The following LMX1A variants were observed in gnomAD, a reference collection of about 807,000 sequenced individuals.
LMX1A encodes LIM homeobox transcription factor 1 alpha, also known as LIM homeobox transcription factor 1-alpha.
In LMX1A, 15 loss-of-function variants were observed where a neutral mutation model predicts 49.1. That is an observed-to-expected ratio of 0.31 (90% confidence interval 0.20 to 0.47). The LOEUF is 0.47. Among genes scored for constraint, LMX1A ranks in the 20% least tolerant of loss-of-function variants. The pLI, the probability that LMX1A is intolerant of heterozygous loss-of-function variation, is 1.00. For synonymous variants in LMX1A, 167 were observed against 185.7 expected, an observed-to-expected ratio of 0.90 and a Z score of 0.82; for missense variants, 372 against 475.8, an observed-to-expected ratio of 0.78 and a Z score of 2.03.
intron 3 of LMX1A, among the ~76,000 whole-genome samples, chr1:165,352,715 C>A (rs1571239353): frequency 6.6e-6 from 1 of 152,344 alleles, no homozygotes; most frequent in East Asian, 1.9e-4. Flanking sequence ...CCGCAGGGCA[C>A]CCCGGTAAAA....
At position 165,261,471 on chromosome 1, in the gene LMX1A, G is replaced by A. The variant is rs575922643; in HGVS notation, c.264-11831C>T. On this transcript the variant is annotated intron_variant, in intron 3 of 8. Transcript: ENST00000342310. ...AAAATGGTGCAATGCTGTGGAATGC[G>A]GTACGGAGTTTCCTCAAAAAAATTA... Among the ~76,000 whole-genome samples, 300 of 152,180 alleles carry A rather than the reference G, an allele frequency of 2.0e-3. 4 individuals carry two copies. Among genetic ancestry groups the A allele is most frequent in the Non-Finnish European group, 3.6e-3 (243 of 68,006 alleles).
intron 4 of LMX1A, among the ~76,000 whole-genome samples, chr1:165,223,454 A>C (rs1442735599): frequency 6.6e-6 from 1 of 152,214 alleles, no homozygotes; most frequent in Admixed American, 6.5e-5. Context: ...AATGGACAAG[A>C]TCAAGAGAGC....
intron 4 of LMX1A, among the ~76,000 whole-genome samples, chr1:165,235,153 C>G (rs1652380624): frequency 1.5e-5 from 2 of 135,608 alleles, no homozygotes. Flanking sequence ...ACAGTTAGAG[C>G]GTATAGGGGG....
At chr1:165,326,538 G>A (rs550079148) in intron 3 of LMX1A, among the ~76,000 whole-genome samples, 23 of 152,264 alleles carry the variant, frequency 1.5e-4, no homozygotes, top group African/African-American at 5.3e-4. Flanking sequence ...ATTCATCTAG[G>A]CCAACTTCTC....
chr1:165,324,823 C>A (rs1437441964), intron 3 of LMX1A, among the ~76,000 whole-genome samples: 2 of 152,124 alleles, frequency 1.3e-5, no homozygotes, highest in Admixed American at 1.3e-4. Flanking sequence ...CCCAGGTTTT[C>A]TGACTCCAAA....
At chr1:165,216,968 C>G (rs1176774300) in intron 4 of LMX1A, among the ~76,000 whole-genome samples, 1 of 152,030 alleles carries the variant, frequency 6.6e-6, no homozygotes, top group African/African-American at 2.4e-5. Context: ...TTTAGCACCA[C>G]CCAGAAATAA....
chr1:165,348,648 C>T (rs1656324282), intron 3 of LMX1A, among the ~76,000 whole-genome samples: 2 of 152,220 alleles, frequency 1.3e-5, no homozygotes, highest in South Asian at 2.1e-4. Flanking sequence ...CATCTGTGGG[C>T]TCCTTTCATG....
At chr1:165,256,670 G>A (rs181680897) in intron 3 of LMX1A, among the ~76,000 whole-genome samples, 10 of 152,178 alleles carry the variant, frequency 6.6e-5, no homozygotes, top group Admixed American at 3.9e-4. Flanking sequence ...CCTAAGGCAG[G>A]TTGGAAACCC....
At chr1:165,285,415 C>G (rs1020409203) in intron 3 of LMX1A, among the ~76,000 whole-genome samples, 1 of 152,218 alleles carries the variant, frequency 6.6e-6, no homozygotes, top group African/African-American at 2.4e-5. Context: ...ATGATACCCA[C>G]AAAATCAGAG....
At chr1:165,216,952 A>G (rs1651662972) in intron 4 of LMX1A, among the ~76,000 whole-genome samples, 1 of 152,198 alleles carries the variant, frequency 6.6e-6, no homozygotes, top group South Asian at 2.1e-4. Flanking sequence ...TGATATATGT[A>G]AAGGGTTTAG....
At chr1:165,349,041 C>T (rs761618786) in intron 3 of LMX1A, among the ~76,000 whole-genome samples, 9 of 152,196 alleles carry the variant, frequency 5.9e-5, no homozygotes, top group Non-Finnish European at 1.2e-4. Context: ...GACAGCAATA[C>T]TATCCCACAC....
At chr1:165,266,006 A>G (rs1340579430) in intron 3 of LMX1A, among the ~76,000 whole-genome samples, 2 of 152,208 alleles carry the variant, frequency 1.3e-5, no homozygotes, top group Non-Finnish European at 2.9e-5. Context: ...TTTTATTCAT[A>G]TATACAACAA....
intron 3 of LMX1A, among the ~76,000 whole-genome samples, chr1:165,297,849 G>C (rs1362549578): frequency 6.6e-6 from 1 of 152,102 alleles, no homozygotes; most frequent in Non-Finnish European, 1.5e-5. Context: ...TATAGCTGTG[G>C]GAACTCAGGC....
At position 165,274,449 on chromosome 1, in the gene LMX1A, T is replaced by A. The variant is rs534965671; in HGVS notation, c.264-24809A>T. On this transcript the variant is annotated intron_variant, in intron 3 of 8. Transcript: ENST00000342310. ...ACTTAATAAATGTTGGTCAGATTGA[T>A]TTAGATTGGATTGAATTGAACTAAT... 1.2e-4 allele frequency among the ~76,000 whole-genome samples: 19 copies of A among 152,326 alleles called. No homozygotes were observed. In the South Asian group the frequency reaches 3.9e-3, roughly 32 times the overall value.
chr1:165,329,340 G>A (rs115567741), intron 3 of LMX1A, among the ~76,000 whole-genome samples: 526 of 152,260 alleles, frequency 3.5e-3, no homozygotes, highest in African/African-American at 0.012. Context: ...GATGAGACTT[G>A]GGTGGGGACA....
intron 2 of LMX1A, among the ~76,000 whole-genome samples, chr1:165,354,108 C>T (rs543678826): frequency 3.3e-5 from 5 of 152,268 alleles, no homozygotes; most frequent in African/African-American, 1.2e-4. Flanking sequence ...GGTGGCGACG[C>T]TTGGCCACCT....
intron 3 of LMX1A, among the ~76,000 whole-genome samples, chr1:165,330,334 C>CA (rs1248410268): frequency 2.0e-5 from 3 of 152,190 alleles, no homozygotes; most frequent in African/African-American, 7.2e-5. Context: ...GTTAGCTGGG[C>CA]ATGATGGCAC....
At chr1:165,206,147 G>A (rs1442940102) in intron 7 of LMX1A, 113 bp from the exon 8 acceptor site, 1 of 966,846 alleles carries the variant, frequency 1.0e-6, no homozygotes, top group Non-Finnish European at 1.5e-6. Flanking sequence ...GACATCAGTG[G>A]TCCCAGCCTT....
chr1:165,215,595 A>C (rs999475171), intron 4 of LMX1A, among the ~76,000 whole-genome samples: 6 of 152,170 alleles, frequency 3.9e-5, no homozygotes, highest in African/African-American at 1.4e-4. Flanking sequence ...TTTAGTGTAG[A>C]CATTAGCTGA....
Sources: gnomAD v4.1 joint callset for allele counts (sites outside exome capture counted in the v4.1 genomes callset) on GRCh38, gnomAD v4.1.1 for gene constraint, MANE v1.5 for transcripts, NCBI Gene and HGNC (gene_info 2026-07-23, HGNC 2026-07-21) for gene names.